Variants in DCAF7 observed in about 807,000 individuals in gnomAD.
The protein encoded by DCAF7 is DDB1- and CUL4-associated factor 7.
DCAF7 carries 4 observed loss-of-function variants against 41.2 expected under a neutral mutation model. The observed-to-expected ratio is 0.10, with a 90% CI of 0.05 to 0.22. DCAF7 has a LOEUF of 0.22. DCAF7 is among the 10% of genes least tolerant of loss of function. DCAF7 has a pLI of 1.00. For synonymous variants in DCAF7, 143 were observed against 164.2 expected, an observed-to-expected ratio of 0.87 and a Z score of 0.99; for missense variants, 131 against 443.2, an observed-to-expected ratio of 0.30 and a Z score of 6.32.
intron 4 of DCAF7, among the ~76,000 whole-genome samples, chr17:63,582,502 G>T (rs1289882830): frequency 6.8e-6 from 1 of 146,654 alleles, no homozygotes; most frequent in African/African-American, 2.5e-5. Context: ...ACAGAGTTTC[G>T]CTCTGTCCCA....
intron 1 of DCAF7, among the ~76,000 whole-genome samples, chr17:63,566,950 C>G (rs2033449143): frequency 6.6e-6 from 1 of 150,570 alleles, no homozygotes; most frequent in African/African-American, 2.4e-5. Context: ...TGATGCAAGT[C>G]TATTTAAGCT....
intron 5 of DCAF7, 142 bp downstream of exon 5, chr17:63,583,853 C>A: frequency 1.2e-6 from 1 of 838,366 alleles, no homozygotes; most frequent in Non-Finnish European, 1.9e-6. Context: ...ATTGTCACAG[C>A]TCTAGAGACG....
chr17:63,564,166 C>CACACACACACAT (rs2033416076), intron 1 of DCAF7, among the ~76,000 whole-genome samples: 1 of 151,040 alleles, frequency 6.6e-6, no homozygotes, highest in African/African-American at 2.5e-5. Context: ...CACACACATA[C>CACACACACACAT]ACATATATAC....
chr17:63,567,361 G>A (rs574221782), intron 1 of DCAF7, among the ~76,000 whole-genome samples: 1 of 152,064 alleles, frequency 6.6e-6, no homozygotes, highest in Non-Finnish European at 1.5e-5. Context: ...TCAATATTTG[G>A]TTGGCAACTT....
At chr17:63,586,039 C>T (rs996170501) in intron 6 of DCAF7, among the ~76,000 whole-genome samples, 5 of 149,422 alleles carry the variant, frequency 3.3e-5, no homozygotes, top group Non-Finnish European at 5.9e-5. Context: ...GCAGGAGAAG[C>T]ACTTCAACCC....
At chr17:63,574,866 G>A (rs1281337053) in intron 1 of DCAF7, among the ~76,000 whole-genome samples, 1 of 151,856 alleles carries the variant, frequency 6.6e-6, no homozygotes, top group East Asian at 1.9e-4. Context: ...CCAGCTACTT[G>A]GGAGGCTGAG....
chr17:63,563,814 CAAAT>C (rs138884947), intron 1 of DCAF7, among the ~76,000 whole-genome samples: 38,313 of 148,496 alleles, frequency 0.26, 5,774 homozygotes, highest in African/African-American at 0.41. Context: ...GATTCTGTCT[CAAAT>C]AAATAAATAA....
intron 1 of DCAF7, among the ~76,000 whole-genome samples, chr17:63,576,461 A>G (rs2147772754): frequency 6.6e-6 from 1 of 152,286 alleles, no homozygotes; most frequent in South Asian, 2.1e-4. Flanking sequence ...AGGAAAAACA[A>G]CAACAAAAAG....
In DCAF7 at chr17:63,587,467, C is replaced by T. The variant is rs897523422; in HGVS notation, c.857-1533C>T. Among the ~76,000 whole-genome samples the T allele has an allele frequency of 2.0e-5, 3 of 152,128 alleles. No individual in the cohort carries two copies. The East Asian group carries it at 5.8e-4, about 29-fold the overall frequency. On this transcript the variant is annotated intron_variant, in intron 6 of 6. Transcript: ENST00000614556. ...TCCTGGCTGCTGCCTTTGTCTGGCT[C>T]GCTGTTGTTTTGTGTGTTGCACCTG...
intron 6 of DCAF7, among the ~76,000 whole-genome samples, chr17:63,586,125 CAAA>C (rs545840925): frequency 8.6e-5 from 5 of 58,442 alleles, no homozygotes; most frequent in Admixed American, 2.1e-4. Flanking sequence ...ACTCTGTCTC[CAAA>C]AAAAAAAAAA....
chr17:63,589,373 C>A lies in DCAF7; in HGVS notation c.*201C>A. 1.4e-6 allele frequency: 1 copy of A among 714,598 alleles called. No individual in the cohort carries two copies. The highest frequency in any genetic ancestry group is 2.5e-6 in the Non-Finnish European group (1 of 405,084). 44.3% of individuals were successfully genotyped at this position (714,598 alleles called of 1,614,324 possible). ...GCAGACTCAGTGCTGTGTGGCGCCT[C>A]CTCAGCCCAGGGCTGAGTTTTAAGA... On this transcript the variant is annotated 3_prime_UTR_variant, in exon 7 of 7. Transcript: ENST00000614556.
chr17:63,581,816 C>T (rs1295986170), intron 4 of DCAF7, among the ~76,000 whole-genome samples: 2 of 152,186 alleles, frequency 1.3e-5, no homozygotes, highest in Non-Finnish European at 1.5e-5. Flanking sequence ...TTTGATTTTT[C>T]TCAGTCCACC....
chr17:63,588,864 T>C, intron 6 of DCAF7, 136 bp from the exon 7 acceptor site: 1 of 942,432 alleles, frequency 1.1e-6, no homozygotes, highest in Non-Finnish European at 1.5e-6. Flanking sequence ...GATTTCCTCA[T>C]CGATAAAATG....
At chr17:63,558,997 A>G (rs73332078) in intron 1 of DCAF7, among the ~76,000 whole-genome samples, 3,892 of 152,214 alleles carry the variant, frequency 0.026, 156 homozygotes, top group African/African-American at 0.084. Context: ...TCTGTGCTAA[A>G]GGTGATAGGA....
At chr17:63,580,236 T>G (rs1446395673) in intron 4 of DCAF7, among the ~76,000 whole-genome samples, 1 of 152,096 alleles carries the variant, frequency 6.6e-6, no homozygotes, top group African/African-American at 2.4e-5. Context: ...AGCTGGGAAC[T>G]GATGTGATTA....
chr17:63,551,051 A>G (rs957558364), intron 1 of DCAF7, among the ~76,000 whole-genome samples: 2 of 152,174 alleles, frequency 1.3e-5, no homozygotes, highest in Admixed American at 1.3e-4. Flanking sequence ...CGGTTTTGTG[A>G]CTTGCCTGGG....
chr17:63,578,726 G>C (rs1042998308), intron 2 of DCAF7, 98 bp downstream of exon 2: 3 of 1,517,070 alleles, frequency 2.0e-6, no homozygotes, highest in Admixed American at 1.8e-5. Context: ...CAGAGGCAGC[G>C]AGTGTCATTG....
rs1329679779 is a variant in DCAF7, at chr17:63,590,973, T to A, written c.*1801T>A. ...ATATTTCCCCTTCTACCCTTTTACT[T>A]TGTTGTTCTGATTTTAGGACTCTGG... On this transcript the variant is annotated 3_prime_UTR_variant, in exon 7 of 7. Transcript: ENST00000614556. 2.0e-5 allele frequency: 3 copies of A among 152,372 alleles called. No individual in the cohort carries two copies. Among genetic ancestry groups the A allele is most frequent in the Admixed American group, 6.5e-5 (1 of 15,300 alleles). The allele number at this position is 152,372 out of a possible 1,614,324, so 9.4% of individuals were successfully genotyped here. A position where few individuals can be genotyped will look rare whatever the true frequency, so the allele number is the denominator to read the frequency against.
At chr17:63,565,743 A>G (rs1478051616) in intron 1 of DCAF7, among the ~76,000 whole-genome samples, 1 of 152,230 alleles carries the variant, frequency 6.6e-6, no homozygotes, top group Admixed American at 6.5e-5. Flanking sequence ...TACTTGGTCC[A>G]TGTAAGTGCT....
Sources: gnomAD v4.1 joint callset for allele counts (sites outside exome capture counted in the v4.1 genomes callset) on GRCh38, gnomAD v4.1.1 for gene constraint, MANE v1.5 for transcripts, NCBI Gene and HGNC (gene_info 2026-07-23, HGNC 2026-07-21) for gene names.